The following AP3B1 variants were observed in gnomAD, a reference collection of about 807,000 sequenced individuals.
AP3B1 encodes AP-3 complex subunit beta-1.
AP3B1 carries 61 observed loss-of-function variants against 132.5 expected under a neutral mutation model. That is an observed-to-expected ratio of 0.46 (90% confidence interval 0.37 to 0.57). The LOEUF (loss-of-function observed/expected upper bound fraction) is 0.57. Ranked by LOEUF, AP3B1 falls within the 20% of genes least tolerant of loss-of-function variation. The pLI is 0.00. For missense variants in AP3B1, 1,120 were observed against 1,289.4 expected, an observed-to-expected ratio of 0.87 and a Z score of 2.01; for synonymous variants, 388 against 438.3, an observed-to-expected ratio of 0.89 and a Z score of 1.43.
intron 7 of AP3B1, among the ~76,000 whole-genome samples, chr5:78,188,904 G>A (rs1416738206): frequency 1.3e-5 from 2 of 152,210 alleles, no homozygotes; most frequent in African/African-American, 4.8e-5. Flanking sequence ...GCCATAAAAA[G>A]GAACGAGATA....
In AP3B1 at chr5:78,273,920, T is replaced by C. The variant is rs2112571513; in HGVS notation, c.129-6325A>G. Among the ~76,000 whole-genome samples, 3 of 150,134 alleles carry C rather than the reference T, an allele frequency of 2.0e-5. No homozygotes were observed. The South Asian group carries it at 6.3e-4, about 32-fold the overall frequency. On this transcript the variant is annotated intron_variant, in intron 1 of 26. Coordinates refer to ENST00000255194, the MANE Select transcript of AP3B1 (RefSeq NM_003664.5). ...ACCCAGCCCTGTATGGAAGAAGCTATCACCCAAAGCTTCATCAATCATTTT... is the reference window on the plus strand; with the variant it reads ...ACCCAGCCCTGTATGGAAGAAGCTACCACCCAAAGCTTCATCAATCATTTT...
intron 26 of AP3B1, among the ~76,000 whole-genome samples, chr5:78,008,118 C>T (rs905094888): frequency 5.3e-5 from 8 of 151,542 alleles, no homozygotes; most frequent in African/African-American, 1.7e-4. Flanking sequence ...AGTGCCCTTG[C>T]TTAAAGAAGA....
At chr5:78,252,307 G>A (rs538610523) in intron 2 of AP3B1, among the ~76,000 whole-genome samples, 37 of 152,178 alleles carry the variant, frequency 2.4e-4, no homozygotes, top group Admixed American at 5.2e-4. Context: ...CAGCAGGGGG[G>A]AAAGTAAAAG....
At chr5:78,029,032 T>C (rs1747458421) in intron 24 of AP3B1, among the ~76,000 whole-genome samples, 3 of 152,282 alleles carry the variant, frequency 2.0e-5, no homozygotes, top group African/African-American at 7.2e-5. Context: ...TTTTAAAAAA[T>C]GAGTATTTTC....
At chr5:78,072,583 G>T (rs1463774320) in intron 22 of AP3B1, among the ~76,000 whole-genome samples, 1 of 151,824 alleles carries the variant, frequency 6.6e-6, no homozygotes, top group Non-Finnish European at 1.5e-5. Context: ...CATTTGGAGG[G>T]GAAAAGTCAT....
chr5:78,203,754 T>C (rs1409052061), intron 7 of AP3B1, among the ~76,000 whole-genome samples: 1 of 152,184 alleles, frequency 6.6e-6, no homozygotes, highest in Admixed American at 6.6e-5. Flanking sequence ...ACAGGCCTCT[T>C]AAGTCTCTTG....
intron 1 of AP3B1, 57 bp downstream of exon 1, chr5:78,294,395 T>TC: frequency 6.2e-7 from 1 of 1,611,414 alleles, no homozygotes; most frequent in Non-Finnish European, 8.5e-7. Flanking sequence ...TGGCGCCCAC[T>TC]CCTCCGAGTC....
intron 22 of AP3B1, among the ~76,000 whole-genome samples, chr5:78,083,150 C>G (rs999429308): frequency 6.6e-6 from 1 of 152,094 alleles, no homozygotes; most frequent in Non-Finnish European, 1.5e-5. Context: ...GAAGGTCAGA[C>G]TCTGATTTTT....
At chr5:78,189,064 G>A (rs1744718527) in intron 7 of AP3B1, among the ~76,000 whole-genome samples, 1 of 151,996 alleles carries the variant, frequency 6.6e-6, no homozygotes, top group South Asian at 2.1e-4. Flanking sequence ...ACACTTACTG[G>A]GGCCTGTCAG....
intron 1 of AP3B1, among the ~76,000 whole-genome samples, chr5:78,277,824 T>C (rs1193697416): frequency 6.6e-6 from 1 of 152,230 alleles, no homozygotes; most frequent in Non-Finnish European, 1.5e-5. Flanking sequence ...AAAGGATCCA[T>C]GATCCCAATA....
intron 25 of AP3B1, among the ~76,000 whole-genome samples, chr5:78,017,870 G>A (rs7731171): frequency 0.04 from 6,039 of 151,960 alleles, 419 homozygotes; most frequent in African/African-American, 0.14. Context: ...TTTTGGTGAA[G>A]GCAGTAGATA....
At chr5:78,060,807 C>A (rs571590308) in intron 22 of AP3B1, among the ~76,000 whole-genome samples, 1 of 152,028 alleles carries the variant, frequency 6.6e-6, no homozygotes. Flanking sequence ...GTACCATAAT[C>A]CCTAAAGTTT....
At chr5:78,239,228 T>C (rs536289296) in intron 3 of AP3B1, among the ~76,000 whole-genome samples, 13 of 152,116 alleles carry the variant, frequency 8.5e-5, no homozygotes, top group African/African-American at 2.9e-4. Flanking sequence ...CCCAGCACTT[T>C]GGGAGGCCAA....
At chr5:78,080,217 C>G (rs1194222087) in intron 22 of AP3B1, among the ~76,000 whole-genome samples, 1 of 152,084 alleles carries the variant, frequency 6.6e-6, no homozygotes, top group African/African-American at 2.4e-5. Context: ...TCATGTTGAC[C>G]AGGCTGGTCT....
At chr5:78,043,534 G>A (rs1186689934) in intron 22 of AP3B1, 3 of 401,384 alleles carry the variant, frequency 7.5e-6, no homozygotes, top group South Asian at 4.5e-5. Context: ...GCTATGAACT[G>A]TAAGTGCTCT....
intron 21 of AP3B1, among the ~76,000 whole-genome samples, chr5:78,091,534 G>A (rs533094008): frequency 1.3e-5 from 2 of 152,230 alleles, no homozygotes; most frequent in East Asian, 3.9e-4. Flanking sequence ...CAGAGTCAGG[G>A]GCAAAACAAG....
At chr5:78,033,480 G>A (rs1049567869) in intron 24 of AP3B1, among the ~76,000 whole-genome samples, 2 of 151,972 alleles carry the variant, frequency 1.3e-5, no homozygotes, top group Non-Finnish European at 2.9e-5. Context: ...AGTTCACTAT[G>A]TTTAATCTAT....
intron 24 of AP3B1, among the ~76,000 whole-genome samples, chr5:78,025,013 T>C (rs1747280519): frequency 6.6e-6 from 1 of 152,096 alleles, no homozygotes; most frequent in South Asian, 2.1e-4. Flanking sequence ...TTTTTGTATG[T>C]TTTAGTAAAA....
intron 7 of AP3B1, among the ~76,000 whole-genome samples, chr5:78,206,227 C>T (rs1745499901): frequency 6.6e-6 from 1 of 152,044 alleles, no homozygotes; most frequent in African/African-American, 2.4e-5. Context: ...CCTTCCTCAC[C>T]TACCAGACAT....
Sources: allele counts gnomAD v4.1 joint callset (sites outside exome capture counted in the v4.1 genomes callset), GRCh38; gene constraint gnomAD v4.1.1; transcripts MANE v1.5; gene names NCBI Gene and HGNC (gene_info 2026-07-23, HGNC 2026-07-21).